SYT12: variants seen among roughly 807,000 people sequenced by gnomAD.
SYT12 encodes synaptotagmin 12.
SYT12 carries 27 observed loss-of-function variants against 39.5 expected under a neutral mutation model. The ratio of observed to expected loss-of-function variants is 0.68; its 90% CI spans 0.50 to 0.94. The LOEUF (loss-of-function observed/expected upper bound fraction) is 0.94, where lower values mean the gene tolerates loss of function less well. SYT12 is among the 40% of genes least tolerant of loss of function. The pLI is 0.00. For synonymous variants in SYT12, 233 were observed against 239.7 expected (o/e 0.97, Z 0.26); for missense variants, 536 against 572.6 (o/e 0.94, Z 0.65).
At chr11:67,021,159 T>A (rs1950105674), upstream of SYT12, among the ~76,000 whole-genome samples, 1 of 152,202 alleles carries the variant, frequency 6.6e-6, no homozygotes, top group East Asian at 1.9e-4. Flanking sequence ...TGTTTGGGGC[T>A]ACTGTCAACA....
rs1950468165 is a variant in SYT12 at position 67,039,914 on chromosome 11, G to A, written c.332G>A (p.Gly111Glu). 8.1e-6 allele frequency: 13 copies of A among 1,613,716 alleles called. No homozygotes were observed. Among genetic ancestry groups the A allele is most frequent in the Non-Finnish European group, 7.6e-6 (9 of 1,180,022 alleles). Residue 111 changes from glycine (G) to glutamate (E), a missense_variant, in exon 4 of 8, where the codon GGG becomes GAG. Gly to Glu is a moderately conservative substitution (Grantham distance 98). Transcript: ENST00000527043. ...ACCTTTGAGAGCATCAGTGAACTGG[G>A]GCCTCTGGAGCTGATGGGCCGGGAG... ...EDTFESISEL[G>E]PLELMGRELD...
In SYT12 at chr11:67,034,812, G is replaced by A. The variant is rs140153249; in HGVS notation, c.202G>A (p.Glu68Lys). ...DYRYLQQKYG[E>K]SCAEAREKRV... ...CAGGTACCTTCAGCAGAAGTACGGC[G>A]AGAGCTGCGCAGAGGCCAGGGAGAA... The change falls in exon 3 of 8, where the codon GAG becomes AAG. Residue 68 changes from glutamate (E) to lysine (K), a missense_variant. By Grantham distance (56) the Glu-to-Lys change is moderately conservative. Coordinates refer to ENST00000527043, the MANE Select transcript of SYT12 (RefSeq NM_177963.4). The A allele has an allele frequency of 2.0e-5, 31 of 1,585,704 alleles. No homozygotes were observed. The highest frequency in any genetic ancestry group is 1.7e-4 in the Middle Eastern group (1 of 5,964).
intron 7 of SYT12, among the ~76,000 whole-genome samples, chr11:67,047,149 G>C (rs1051683985): frequency 3.9e-5 from 6 of 151,984 alleles, no homozygotes; most frequent in Non-Finnish European, 8.8e-5. Context: ...ATTTTTAGTA[G>C]AGATGGGGTT....
rs551293688 is a variant in SYT12, at chr11:67,043,092, C to T, written c.622-546C>T. Among the ~76,000 whole-genome samples the T allele has an allele frequency of 3.8e-4, 58 of 152,326 alleles. 2 individuals carry two copies. The East Asian group carries it at 0.01, about 27-fold the overall frequency. On this transcript the variant is annotated intron_variant, in intron 4 of 7. Transcript: ENST00000527043. ...GCAATGCACCTTCCCAGGGGGCCTG[C>T]CCACAACTTCCTGGGAGGAGGTCAG...
rs1950324713 is a variant in SYT12 at position 67,034,648 on chromosome 11, T to G, written c.38T>G (p.Ile13Ser). The change falls in exon 3 of 8, where the codon ATC becomes AGC. Residue 13 changes from isoleucine (I) to serine (S), a missense_variant. By Grantham distance (142) the Ile-to-Ser change is moderately radical. Coordinates refer to ENST00000527043, the MANE Select transcript of SYT12 (RefSeq NM_177963.4). ...AGAGGCTGCCCTTGCCTTGCAGTCA[T>G]CAAGAGCCCCCCTGGCTGGGAGGTG... is the stretch of plus-strand genomic sequence containing the variant. ...VDVAEYHLSV[I>S]KSPPGWEVGV... The G allele has an allele frequency of 1.3e-6, 2 of 1,591,356 alleles. No individual in the cohort carries two copies. Among genetic ancestry groups the G allele is most frequent in the African/African-American group, 1.4e-5 (1 of 73,336 alleles).
chr11:67,031,719 C>T (rs923965611), intron 2 of SYT12: 2 of 152,218 alleles, frequency 1.3e-5, no homozygotes, highest in African/African-American at 2.4e-5. Context: ...CTTCTGTGCC[C>T]CCAGCCCTGC....
intron 6 of SYT12, among the ~76,000 whole-genome samples, chr11:67,045,356 G>A (rs1437151856): frequency 1.3e-5 from 2 of 152,186 alleles, no homozygotes; most frequent in Non-Finnish European, 2.9e-5. Flanking sequence ...TGGGCAGACG[G>A]CAAGTTGTTA....
At chr11:67,015,141 A>T (rs888410906) in intron 3 of SYT12, among the ~76,000 whole-genome samples, 1 of 152,120 alleles carries the variant, frequency 6.6e-6, no homozygotes, top group African/African-American at 2.4e-5. Flanking sequence ...CCTGCCTTGC[A>T]TCCAGAGCCG....
chr11:67,013,508 C>A (rs1402868112), intron 3 of SYT12, among the ~76,000 whole-genome samples: 3 of 152,232 alleles, frequency 2.0e-5, no homozygotes, highest in Non-Finnish European at 4.4e-5. Context: ...TTTGTCCCAG[C>A]CCCAACCCTG....
At chr11:67,016,757 T>C (rs1430281765) in intron 3 of SYT12, among the ~76,000 whole-genome samples, 1 of 152,164 alleles carries the variant, frequency 6.6e-6, no homozygotes, top group East Asian at 1.9e-4. Flanking sequence ...CATGCAGCCA[T>C]TCCCAAGAGG....
At chr11:67,033,138 G>T (rs1375285702) in intron 2 of SYT12, among the ~76,000 whole-genome samples, 1 of 151,836 alleles carries the variant, frequency 6.6e-6, no homozygotes, top group Non-Finnish European at 1.5e-5. Context: ...CTAGCCCCGG[G>T]TCCCCTCCCT....
At chr11:67,042,505 G>A (rs1950530819) in intron 4 of SYT12, among the ~76,000 whole-genome samples, 1 of 152,192 alleles carries the variant, frequency 6.6e-6, no homozygotes, top group African/African-American at 2.4e-5. Flanking sequence ...GGAAACCGAG[G>A]CTCGGGAAAG....
rs1029483488 is a variant in SYT12 at position 67,030,019 on chromosome 11, G to A, written c.-23-103G>A. The A allele has an allele frequency of 3.5e-5, 36 of 1,015,870 alleles. No homozygotes were observed. The African/African-American group carries it at 5.2e-4, about 15-fold the overall frequency. The allele number at this position is 1,015,870 out of a possible 1,614,324, so 62.9% of individuals were successfully genotyped here. On this transcript the variant is annotated intron_variant, in intron 1 of 7. Coordinates refer to ENST00000527043, the MANE Select transcript of SYT12 (RefSeq NM_177963.4). ...GGTGGCACTCCCCTTATAGCTGAGT[G>A]TAAGCTCTGGATGACAGGCACGTGG...
intron 1 of SYT12, among the ~76,000 whole-genome samples, chr11:67,023,710 T>C (rs570603666): frequency 6.6e-6 from 1 of 152,204 alleles, no homozygotes; most frequent in East Asian, 1.9e-4. Context: ...CACACGCGGC[T>C]CACCCGGCCA....
chr11:67,029,108 A>G (rs1950221827), intron 1 of SYT12: 1 of 152,272 alleles, frequency 6.6e-6, no homozygotes, highest in Admixed American at 6.5e-5. Context: ...TCTGTGAGCC[A>G]GATTTACTTC....
upstream of SYT12, among the ~76,000 whole-genome samples, chr11:67,019,580 C>T (rs986896239): frequency 1.3e-5 from 2 of 151,904 alleles, no homozygotes; most frequent in African/African-American, 2.4e-5. Context: ...TCCTACAACA[C>T]GTGGGAATTA....
upstream of SYT12, chr11:67,022,769 G>A (rs1181262853): frequency 6.6e-6 from 1 of 152,256 alleles, no homozygotes; most frequent in African/African-American, 2.4e-5. Context: ...TGAGGACTGA[G>A]ATGATGTTGT....
upstream of SYT12, among the ~76,000 whole-genome samples, chr11:67,019,451 A>C (rs1950086273): frequency 1.3e-5 from 2 of 150,984 alleles, no homozygotes; most frequent in African/African-American, 4.9e-5. Context: ...CAGCCTGGGC[A>C]ACAAGAGCGA....
rs1275772818 is a variant in SYT12 at position 67,044,488 on chromosome 11, T to G, written c.838-105T>G. ...AAGGGGCCCCCAGTGCAGCCACTTC[T>G]CTATGGAGAAGGAAGCCCCAGCCTT... On this transcript the variant is annotated intron_variant, in intron 5 of 7. Transcript: ENST00000527043. The G allele has an allele frequency of 6.0e-6, 9 of 1,495,462 alleles. No homozygotes were observed. In the South Asian group the frequency reaches 1.1e-4, roughly 18 times the overall value. The allele number at this position is 1,495,462 out of a possible 1,614,324, so 92.6% of individuals were successfully genotyped here.
Sources: allele counts gnomAD v4.1 joint callset (sites outside exome capture counted in the v4.1 genomes callset), GRCh38; gene constraint gnomAD v4.1.1; transcripts MANE v1.5; gene names NCBI Gene and HGNC (gene_info 2026-07-23, HGNC 2026-07-21).